PTPRT: variants seen among roughly 807,000 people sequenced by gnomAD.
PTPRT encodes receptor-type tyrosine-protein phosphatase T.
Under a neutral mutation model 176.8 loss-of-function variants are expected in PTPRT, and 56 were observed. The observed-to-expected ratio is 0.32, with a 90% CI of 0.26 to 0.40. The LOEUF (loss-of-function observed/expected upper bound fraction) is 0.40. Among genes scored for constraint, PTPRT ranks in the 10% least tolerant of loss-of-function variants. The pLI is 1.00. For synonymous variants in PTPRT, 783 were observed against 739.0 expected (o/e 1.06, Z -0.96); for missense variants, 1,540 against 1,908.2 (o/e 0.81, Z 3.60).
the PTPRT span, among the ~76,000 whole-genome samples, chr20:42,055,077 A>C: frequency 6.6e-6 from 1 of 152,208 alleles, no homozygotes; most frequent in African/African-American, 2.4e-5. Flanking sequence ...CCTAAAACTT[A>C]AAGTATAATA....
intron 1 of PTPRT, among the ~76,000 whole-genome samples, chr20:43,035,237 C>T (rs1201773773): frequency 6.6e-6 from 1 of 152,090 alleles, no homozygotes; most frequent in African/African-American, 2.4e-5. Flanking sequence ...TGCAAGAACA[C>T]TCCCGCCTCG....
At chr20:42,062,473 T>C in the PTPRT span, among the ~76,000 whole-genome samples, 1 of 152,216 alleles carries the variant, frequency 6.6e-6, no homozygotes, top group African/African-American at 2.4e-5. Context: ...TCTGGGGCAC[T>C]TTGGCAGGAT....
At chr20:42,483,644 G>T (rs2071422255) in intron 7 of PTPRT, among the ~76,000 whole-genome samples, 1 of 152,202 alleles carries the variant, frequency 6.6e-6, no homozygotes, top group African/African-American at 2.4e-5. Flanking sequence ...GTCAGTTTGG[G>T]GTACAGAGGG....
At chr20:42,327,158 G>C (rs1038621801) in intron 11 of PTPRT, among the ~76,000 whole-genome samples, 2 of 150,410 alleles carry the variant, frequency 1.3e-5, no homozygotes, top group Non-Finnish European at 3.0e-5. Flanking sequence ...AAAATTACAC[G>C]CAACATAAAT....
intron 1 of PTPRT, among the ~76,000 whole-genome samples, chr20:43,176,543 C>T (rs575352664): frequency 2.1e-3 from 320 of 152,316 alleles, no homozygotes; most frequent in African/African-American, 7.3e-3. Context: ...CAGAATATCA[C>T]GGACAAAGGC....
At chr20:43,182,800 G>A (rs2015294559) in intron 1 of PTPRT, among the ~76,000 whole-genome samples, 1 of 152,010 alleles carries the variant, frequency 6.6e-6, no homozygotes, top group Non-Finnish European at 1.5e-5. Flanking sequence ...CTGGTGCTGA[G>A]CTGTTTTCTC....
At chr20:42,993,919 AAG>A (rs1487503531) in intron 1 of PTPRT, among the ~76,000 whole-genome samples, 1 of 152,158 alleles carries the variant, frequency 6.6e-6, no homozygotes, top group Admixed American at 6.5e-5. Flanking sequence ...ACTCAAATAG[AAG>A]AGAAACTGTC....
chr20:42,932,307 G>A (rs1327176783), intron 1 of PTPRT, among the ~76,000 whole-genome samples: 2 of 152,252 alleles, frequency 1.3e-5, no homozygotes, highest in Non-Finnish European at 2.9e-5. Flanking sequence ...CACTTCTCAA[G>A]GGGGCATGTG....
chr20:42,756,469 G>T lies in PTPRT; in HGVS notation c.852C>A (p.Ile284=), dbSNP rs761591989. 2.6e-6 allele frequency: 4 copies of T among 1,557,078 alleles called. No homozygotes were observed. The African/African-American group carries it at 4.1e-5, about 16-fold the overall frequency. The change falls in exon 6 of 31, where the codon ATC becomes ATA. Residue 284 remains isoleucine, a synonymous_variant. Coordinates refer to ENST00000373187, the MANE Select transcript of PTPRT (RefSeq NM_007050.6). ...CAGGCTGGAGGCACTCACCTTTCAC[G>T]ATCAGCTCCGCGTAGTTGGACACAC... ...GSGVSNYAEL[I]VKEPPTPIAP...
intron 7 of PTPRT, among the ~76,000 whole-genome samples, chr20:42,519,187 A>T (rs1014554437): frequency 1.4e-4 from 21 of 152,204 alleles, no homozygotes; most frequent in Admixed American, 3.3e-4. Context: ...CAGTTTTTTT[A>T]AATTATTGTT....
chr20:42,497,766 A>C (rs73273348), intron 7 of PTPRT, among the ~76,000 whole-genome samples: 1,702 of 152,292 alleles, frequency 0.011, 33 homozygotes, highest in African/African-American at 0.04. Flanking sequence ...GAAATCCTGC[A>C]ACCACATAAG....
intron 2 of PTPRT, among the ~76,000 whole-genome samples, chr20:42,792,717 T>C (rs559570190): frequency 2.7e-4 from 41 of 152,336 alleles, no homozygotes; most frequent in African/African-American, 9.1e-4. Flanking sequence ...CAAGTTGAGC[T>C]ACTTCAATAG....
intron 2 of PTPRT, among the ~76,000 whole-genome samples, chr20:42,830,238 T>C (rs6030507): frequency 4.5e-4 from 69 of 152,310 alleles, no homozygotes; most frequent in African/African-American, 1.6e-3. Flanking sequence ...CATCACAAAC[T>C]AATCTACCAT....
chr20:42,682,425 T>C (rs2075619079), intron 6 of PTPRT, among the ~76,000 whole-genome samples: 1 of 152,188 alleles, frequency 6.6e-6, no homozygotes. Flanking sequence ...GATGCTTGAA[T>C]TCCTAACAGT....
At chr20:42,980,634 G>A (rs570570916) in intron 1 of PTPRT, among the ~76,000 whole-genome samples, 20 of 152,304 alleles carry the variant, frequency 1.3e-4, no homozygotes, top group Admixed American at 9.8e-4. Context: ...GAAGGAGCAC[G>A]TGAGTGTTGA....
chr20:42,365,585 G>A (rs925766229), intron 9 of PTPRT, among the ~76,000 whole-genome samples: 7 of 151,564 alleles, frequency 4.6e-5, no homozygotes, highest in African/African-American at 1.7e-4. Context: ...TGGATTCCCC[G>A]GGCCACATTG....
chr20:42,251,871 C>T (rs2056556650), intron 13 of PTPRT, among the ~76,000 whole-genome samples: 2 of 152,118 alleles, frequency 1.3e-5, no homozygotes, highest in South Asian at 2.1e-4. Context: ...CAAAGGAAGA[C>T]AGGGCACCAT....
intron 1 of PTPRT, among the ~76,000 whole-genome samples, chr20:43,020,712 T>A (rs1985635225): frequency 6.6e-6 from 1 of 152,222 alleles, no homozygotes; most frequent in African/African-American, 2.4e-5. Context: ...TTATTTGTAA[T>A]TAAACTTATT....
At position 42,085,871 on chromosome 20, in the gene PTPRT, G is replaced by T. The variant is rs953818507; in HGVS notation, c.3847-18C>A. On this transcript the variant is annotated intron_variant, in intron 27 of 30. Transcript: ENST00000373187. ...ATACAGAACTGAGATAAGGAAAGAG[G>T]TCACAGAAGGAGCTCAAAGGCAGGG... The T allele has an allele frequency of 1.2e-6, 2 of 1,602,840 alleles. No individual in the cohort carries two copies. The highest frequency in any genetic ancestry group is 2.2e-5 in the South Asian group (2 of 90,544).
Sources: gnomAD v4.1 joint callset for allele counts (sites outside exome capture counted in the v4.1 genomes callset) on GRCh38, gnomAD v4.1.1 for gene constraint, MANE v1.5 for transcripts, NCBI Gene and HGNC (gene_info 2026-07-23, HGNC 2026-07-21) for gene names.